SNX30: variants seen among roughly 807,000 people sequenced by gnomAD.
SNX30 encodes the protein sorting nexin family member 30, also known as sorting nexin-30.
SNX30 carries 24 observed loss-of-function variants against 46.4 expected under a neutral mutation model. The ratio of observed to expected loss-of-function variants is 0.52; its 90% CI spans 0.37 to 0.73. The LOEUF (loss-of-function observed/expected upper bound fraction) is 0.73, where lower values mean the gene tolerates loss of function less well. Among genes scored for constraint, SNX30 ranks in the 30% least tolerant of loss-of-function variants. The probability of loss-of-function intolerance (pLI) is 0.00; values close to 1 mark genes in which losing one functional copy is unlikely to be tolerated. For missense variants in SNX30, 533 were observed against 555.7 expected, an observed-to-expected ratio of 0.96 and a Z score of 0.41; for synonymous variants, 189 against 211.5, an observed-to-expected ratio of 0.89 and a Z score of 0.92.
intron 2 of SNX30, among the ~76,000 whole-genome samples, chr9:112,814,521 ATGAGCCACTGCG>A (rs1840367865): frequency 6.6e-6 from 1 of 152,192 alleles, no homozygotes; most frequent in African/African-American, 2.4e-5. Flanking sequence ...GATTATAGGC[ATGAGCCACTGCG>A]CCTGGCTGGA....
intron 7 of SNX30, among the ~76,000 whole-genome samples, chr9:112,855,306 T>C (rs1841104224): frequency 6.6e-6 from 1 of 151,956 alleles, no homozygotes; most frequent in African/African-American, 2.4e-5. Flanking sequence ...GAACTGATGG[T>C]GGGAGCGAGG....
chr9:112,844,989 C>T (rs905438646), intron 6 of SNX30, among the ~76,000 whole-genome samples: 3 of 152,126 alleles, frequency 2.0e-5, no homozygotes, highest in Admixed American at 6.6e-5. Flanking sequence ...GAAAAAATGT[C>T]CCCTTTCCTG....
chr9:112,796,465 G>T (rs1840108731), intron 1 of SNX30, among the ~76,000 whole-genome samples: 1 of 152,192 alleles, frequency 6.6e-6, no homozygotes, highest in South Asian at 2.1e-4. Context: ...TGAAAAGGCA[G>T]TCCCATCAGT....
intron 2 of SNX30, among the ~76,000 whole-genome samples, chr9:112,812,732 G>A (rs1840338888): frequency 6.6e-6 from 1 of 152,114 alleles, no homozygotes; most frequent in Non-Finnish European, 1.5e-5. Context: ...AAATAAGAGT[G>A]AATATAAAGA....
intron 7 of SNX30, among the ~76,000 whole-genome samples, chr9:112,858,294 C>T (rs1841168453): frequency 1.3e-5 from 2 of 152,160 alleles, no homozygotes; most frequent in Non-Finnish European, 2.9e-5. Flanking sequence ...ACAGGAAGAT[C>T]GCCTGAGCTC....
At chr9:112,838,796 C>T in intron 6 of SNX30, 99 bp downstream of exon 6, 1 of 1,196,146 alleles carries the variant, frequency 8.4e-7, no homozygotes, top group Non-Finnish European at 1.2e-6. Context: ...ATATAAGTTT[C>T]CTTCTTCCTG....
At chr9:112,820,458 CTGCCT>C (rs1840474158) in intron 3 of SNX30, among the ~76,000 whole-genome samples, 1 of 152,154 alleles carries the variant, frequency 6.6e-6, no homozygotes, top group African/African-American at 2.4e-5. Flanking sequence ...CAAAGGACCC[CTGCCT>C]TGGGGAACTT....
intron 7 of SNX30, among the ~76,000 whole-genome samples, chr9:112,858,848 T>C (rs1841179027): frequency 6.6e-6 from 1 of 152,180 alleles, no homozygotes; most frequent in Admixed American, 6.5e-5. Flanking sequence ...ACCCTACACA[T>C]GCTGGCTTCT....
intron 6 of SNX30, among the ~76,000 whole-genome samples, chr9:112,845,339 C>G (rs953593408): frequency 2.0e-5 from 3 of 152,200 alleles, no homozygotes; most frequent in Non-Finnish European, 4.4e-5. Flanking sequence ...GAGAAGCCAC[C>G]TGGTTTACAC....
Position 112,838,466 on chromosome 9 carries a change from C to G in SNX30, c.815-32C>G, listed in dbSNP as rs189745142. On this transcript the variant is annotated intron_variant, in intron 5 of 8. Coordinates refer to ENST00000374232, the MANE Select transcript of SNX30 (RefSeq NM_001012994.2). Reference sequence around the variant, plus strand: ...GTAATAGCAGCAACTGCTACCCAGCCAGATTTTAATTAGTTTCTGTTCCCT... The same window carrying G: ...GTAATAGCAGCAACTGCTACCCAGCGAGATTTTAATTAGTTTCTGTTCCCT... 44 of 1,573,806 alleles carry G rather than the reference C, an allele frequency of 2.8e-5. No homozygotes were observed. The East Asian group carries it at 9.3e-4, about 33-fold the overall frequency.
At chr9:112,792,637 G>C (rs1229551188) in intron 1 of SNX30, among the ~76,000 whole-genome samples, 1 of 152,082 alleles carries the variant, frequency 6.6e-6, no homozygotes, top group Non-Finnish European at 1.5e-5. Flanking sequence ...TGCTGCTCAG[G>C]CTGGTCTTGA....
intron 1 of SNX30, among the ~76,000 whole-genome samples, chr9:112,759,442 C>T (rs992767916): frequency 1.3e-5 from 2 of 152,000 alleles, no homozygotes; most frequent in South Asian, 2.1e-4. Context: ...TTAAGGTGTG[C>T]ACACGGGCCA....
At chr9:112,773,836 A>G (rs1839693023) in intron 1 of SNX30, among the ~76,000 whole-genome samples, 1 of 152,226 alleles carries the variant, frequency 6.6e-6, no homozygotes, top group Non-Finnish European at 1.5e-5. Context: ...CAATTATGTT[A>G]TATTTATATT....
rs1349050293 is a variant in SNX30 at position 112,869,502 on chromosome 9, T to C, written c.*659T>C. 1 of 152,210 alleles carries C rather than the reference T, an allele frequency of 6.6e-6. No homozygotes were observed. Among genetic ancestry groups the C allele is most frequent in the Non-Finnish European group, 1.5e-5 (1 of 68,074 alleles). 9.4% of individuals were successfully genotyped at this position (152,210 alleles called of 1,614,324 possible). ...GCTTGAGTGAGCAAGCCAGCGTCCT[T>C]GTCCTCCTGCAATGCCTTTGGGAAG... is the stretch of plus-strand genomic sequence containing the variant. On this transcript the variant is annotated 3_prime_UTR_variant, in exon 9 of 9. Coordinates refer to ENST00000374232, the MANE Select transcript of SNX30 (RefSeq NM_001012994.2).
At chr9:112,786,998 C>T (rs1396833704) in intron 1 of SNX30, among the ~76,000 whole-genome samples, 3 of 152,148 alleles carry the variant, frequency 2.0e-5, no homozygotes, top group African/African-American at 7.2e-5. Flanking sequence ...GAATAGAAAT[C>T]ACCCACATTC....
intron 8 of SNX30, among the ~76,000 whole-genome samples, chr9:112,865,678 C>A (rs753648304): frequency 8.5e-6 from 1 of 118,280 alleles, no homozygotes; most frequent in Admixed American, 8.4e-5. Flanking sequence ...TATGTATGCA[C>A]ACACACACAC....
intron 2 of SNX30, 31 bp downstream of exon 2, chr9:112,804,998 T>G (rs1249277086): frequency 6.5e-7 from 1 of 1,534,198 alleles, no homozygotes; most frequent in Admixed American, 1.9e-5. Context: ...ATGCCCGTGT[T>G]GAGTGGTCTC....
chr9:112,787,889 C>T (rs1002947004), intron 1 of SNX30, among the ~76,000 whole-genome samples: 1 of 151,766 alleles, frequency 6.6e-6, no homozygotes, highest in Admixed American at 6.6e-5. Flanking sequence ...CTCTGCCTCC[C>T]GGGTTCAAGC....
chr9:112,861,227 G>A (rs1223450877), intron 7 of SNX30, among the ~76,000 whole-genome samples: 2 of 152,214 alleles, frequency 1.3e-5, no homozygotes, highest in Non-Finnish European at 2.9e-5. Context: ...CTGGGTGCAG[G>A]AAGATTGTGT....
Sources: allele counts gnomAD v4.1 joint callset (sites outside exome capture counted in the v4.1 genomes callset), GRCh38; gene constraint gnomAD v4.1.1; transcripts MANE v1.5; gene names NCBI Gene and HGNC (gene_info 2026-07-23, HGNC 2026-07-21).